Variants in DNAH9 observed in about 807,000 individuals in gnomAD.
The protein encoded by DNAH9 is DNAH9 variant protein.
Under a neutral mutation model 471.6 loss-of-function variants are expected in DNAH9, and 345 were observed. The observed-to-expected ratio is 0.73, with a 90% CI of 0.67 to 0.80. The LOEUF (loss-of-function observed/expected upper bound fraction) is 0.80. Ranked by LOEUF, DNAH9 falls within the 30% of genes least tolerant of loss-of-function variation. The pLI is 0.00. For missense variants in DNAH9, 5,407 were observed against 5,609.2 expected (o/e 0.96, Z 1.15); for synonymous variants, 2,093 against 2,123.6 (o/e 0.99, Z 0.40).
At chr17:11,800,659 T>C (rs986383021) in intron 43 of DNAH9, among the ~76,000 whole-genome samples, 1 of 152,160 alleles carries the variant, frequency 6.6e-6, no homozygotes, top group African/African-American at 2.4e-5. Flanking sequence ...TGCTTATCAT[T>C]GTCACCTCTG....
intron 38 of DNAH9, among the ~76,000 whole-genome samples, chr17:11,773,867 T>C (rs4792174): frequency 0.29 from 44,724 of 152,132 alleles, 10,731 homozygotes; most frequent in African/African-American, 0.67. Context: ...TGGAGGCTCA[T>C]GCCTGTAATC....
At chr17:11,833,544 G>T (rs1970741578) in intron 48 of DNAH9, among the ~76,000 whole-genome samples, 1 of 152,146 alleles carries the variant, frequency 6.6e-6, no homozygotes, top group African/African-American at 2.4e-5. Flanking sequence ...AGCATGTTTG[G>T]CTTTCTCTGG....
chr17:11,926,887 G>A (rs1004696669), intron 62 of DNAH9, among the ~76,000 whole-genome samples: 1 of 152,134 alleles, frequency 6.6e-6, no homozygotes, highest in Non-Finnish European at 1.5e-5. Flanking sequence ...GCATAAAAGG[G>A]TTCCTTTTTC....
chr17:11,763,317 TA>T, intron 35 of DNAH9, 122 bp from the exon 36 acceptor site: 1 of 825,444 alleles, frequency 1.2e-6, no homozygotes. Context: ...TGGTTGTCTG[TA>T]ATCCCAAAGA....
At chr17:11,921,009 C>G (rs185678790) in intron 61 of DNAH9, among the ~76,000 whole-genome samples, 5 of 152,026 alleles carry the variant, frequency 3.3e-5, no homozygotes, top group African/African-American at 1.2e-4. Context: ...GTCATGGTGG[C>G]GGGCACCTGT....
chr17:11,757,142 ACAAAATT>A (rs938743849), intron 34 of DNAH9, among the ~76,000 whole-genome samples: 21 of 152,256 alleles, frequency 1.4e-4, no homozygotes, highest in Middle Eastern at 3.4e-3. Flanking sequence ...GTCAATGGGT[ACAAAATT>A]TCACTTCTGC....
chr17:11,804,846 C>T (rs1424574109), intron 43 of DNAH9, among the ~76,000 whole-genome samples: 1 of 151,496 alleles, frequency 6.6e-6, no homozygotes, highest in Non-Finnish European at 1.5e-5. Flanking sequence ...TGTACTCCAG[C>T]CTGGACGACA....
chr17:11,694,865 C>CTTTCT lies in DNAH9; in HGVS notation c.4872+420_4872+421insTCTTT. On this transcript the variant is annotated intron_variant, in intron 22 of 68. Coordinates refer to ENST00000262442, the MANE Select transcript of DNAH9 (RefSeq NM_001372.4). ...CCTTCCTTCCTTCCTTCCTTCCTTCCTTCCTTCTTTCTTTCTTTCTTTCTT... is the reference window on the plus strand; with the variant it reads ...CCTTCCTTCCTTCCTTCCTTCCTTCCTTTCTTTCCTTCTTTCTTTCTTTCTTTCTT... 6.3e-3 allele frequency among the ~76,000 whole-genome samples: 2 copies of CTTTCT among 316 alleles called. 1 individual carries two copies. Among genetic ancestry groups the CTTTCT allele is most frequent in the African/African-American group, 9.3e-3 (2 of 216 alleles). 0.2% of individuals were successfully genotyped at this position (316 alleles called of 152,430 possible). A position where few individuals can be genotyped will look rare whatever the true frequency, so the allele number is the denominator to read the frequency against.
intron 58 of DNAH9, 115 bp from the exon 59 acceptor site, chr17:11,894,259 T>G (rs1973154813): frequency 7.0e-7 from 1 of 1,426,926 alleles, no homozygotes; most frequent in Non-Finnish European, 9.6e-7. Context: ...CAACCAAAAT[T>G]GATGGGCAAA....
intron 2 of DNAH9, among the ~76,000 whole-genome samples, chr17:11,609,093 C>T (rs1389899221): frequency 1.3e-5 from 2 of 152,222 alleles, no homozygotes; most frequent in Admixed American, 1.3e-4. Context: ...AGCCTTCCTA[C>T]ATGAGCTCGG....
intron 26 of DNAH9, among the ~76,000 whole-genome samples, chr17:11,712,023 A>T (rs1171318430): frequency 1.2e-4 from 2 of 17,088 alleles, no homozygotes; most frequent in South Asian, 3.6e-3. Flanking sequence ...TTTATATATA[A>T]ATATATATAT....
rs370213487 is a variant in DNAH9 at position 11,864,643 on chromosome 17, A to G, written c.9934-4491A>G. Among the ~76,000 whole-genome samples, 41 of 152,184 alleles carry G rather than the reference A, an allele frequency of 2.7e-4. No homozygotes were observed. In the South Asian group the frequency reaches 3.3e-3, roughly 12 times the overall value. ...GGGGTGTTAAAGTCTCTCATTATTAATGTGTGGGAGTCTAAGTCTCTTTGT... is the reference window on the plus strand; with the variant it reads ...GGGGTGTTAAAGTCTCTCATTATTAGTGTGTGGGAGTCTAAGTCTCTTTGT... On this transcript the variant is annotated intron_variant, in intron 50 of 68. Coordinates refer to ENST00000262442, the MANE Select transcript of DNAH9 (RefSeq NM_001372.4).
intron 62 of DNAH9, among the ~76,000 whole-genome samples, chr17:11,926,566 T>C (rs565773339): frequency 6.6e-6 from 1 of 152,302 alleles, no homozygotes; most frequent in East Asian, 1.9e-4. Context: ...CTCCATTCAT[T>C]TCCCTGCAAA....
rs550270656 is a variant in DNAH9 at position 11,798,963 on chromosome 17, T to G, written c.8420+1170T>G. Among the ~76,000 whole-genome samples, 6 of 152,320 alleles carry G rather than the reference T, an allele frequency of 3.9e-5. No homozygotes were observed. In the East Asian group the frequency reaches 5.8e-4, roughly 15 times the overall value. On this transcript the variant is annotated intron_variant, in intron 43 of 68. Transcript: ENST00000262442. ...AGTCACCTGCCTTTCCTACTCATTCTTCCTCCTTGTCACTGTTATCTGCTG... is the reference window on the plus strand; with the variant it reads ...AGTCACCTGCCTTTCCTACTCATTCGTCCTCCTTGTCACTGTTATCTGCTG...
At chr17:11,664,096 C>T (rs1303644962) in intron 14 of DNAH9, among the ~76,000 whole-genome samples, 2 of 152,114 alleles carry the variant, frequency 1.3e-5, no homozygotes, top group African/African-American at 4.8e-5. Context: ...TGGAAAGTTG[C>T]TGTAAAAAGT....
At chr17:11,960,425 G>C (rs1369797409) in intron 67 of DNAH9, among the ~76,000 whole-genome samples, 32 of 84,402 alleles carry the variant, frequency 3.8e-4, no homozygotes, top group African/African-American at 1.5e-3. Flanking sequence ...GACAGAGCAA[G>C]ACTCTGTCTT....
chr17:11,742,414 C>A, intron 30 of DNAH9, 101 bp downstream of exon 30: 1 of 1,237,654 alleles, frequency 8.1e-7, no homozygotes, highest in Non-Finnish European at 1.1e-6. Context: ...CTCAAGCTTT[C>A]TCATAGAAAG....
intron 12 of DNAH9, among the ~76,000 whole-genome samples, chr17:11,648,514 T>C (rs2073438196): frequency 6.6e-6 from 1 of 152,200 alleles, no homozygotes; most frequent in African/African-American, 2.4e-5. Context: ...GTATAAGATA[T>C]ATTACTATAT....
Position 11,969,613 on chromosome 17 carries a change from C to T in DNAH9, c.*86C>T. 9.3e-7 allele frequency: 1 copy of T among 1,079,350 alleles called. No individual in the cohort carries two copies. Among genetic ancestry groups the T allele is most frequent in the Non-Finnish European group, 1.3e-6 (1 of 768,420 alleles). 66.9% of individuals were successfully genotyped at this position (1,079,350 alleles called of 1,614,324 possible). The stretch of plus-strand genomic sequence containing the variant: ...GGTGGGTGAAGGGTCACCACAGACA[C>T]TTAGAACGGTAAGAAACCATGAGCA... On this transcript the variant is annotated 3_prime_UTR_variant, in exon 69 of 69. Transcript: ENST00000262442.
Sources: gnomAD v4.1 joint callset for allele counts (sites outside exome capture counted in the v4.1 genomes callset) on GRCh38, gnomAD v4.1.1 for gene constraint, MANE v1.5 for transcripts, NCBI Gene and HGNC (gene_info 2026-07-23, HGNC 2026-07-21) for gene names.